RAB2A: variants seen among roughly 807,000 people sequenced by gnomAD.
RAB2A encodes ras-related protein Rab-2A.
In RAB2A, 7 loss-of-function variants were observed where a neutral mutation model predicts 32.5. The ratio of observed to expected loss-of-function variants is 0.22; its 90% CI spans 0.12 to 0.40. RAB2A has a LOEUF of 0.40. Ranked by LOEUF, RAB2A falls within the 10% of genes least tolerant of loss-of-function variation. The pLI is 1.00. For missense variants in RAB2A, 108 were observed against 260.7 expected (o/e 0.41, Z 4.03); for synonymous variants, 79 against 85.2 (o/e 0.93, Z 0.40).
chr8:60,547,185 A>G (rs1807743735), intron 1 of RAB2A, among the ~76,000 whole-genome samples: 1 of 152,020 alleles, frequency 6.6e-6, no homozygotes, highest in African/African-American at 2.4e-5. Flanking sequence ...TGGATACAGC[A>G]CATGTTTCAG....
chr8:60,548,729 C>T (rs1179138930), intron 1 of RAB2A, among the ~76,000 whole-genome samples: 4 of 134,750 alleles, frequency 3.0e-5, no homozygotes, highest in Admixed American at 2.8e-4. Flanking sequence ...GGCAGAGGCA[C>T]CCCTCACCTG....
chr8:60,619,093 A>G (rs1159098734), intron 7 of RAB2A: 1 of 152,132 alleles, frequency 6.6e-6, no homozygotes, highest in African/African-American at 2.4e-5. Context: ...CCAAATTTGG[A>G]AATTACTCCC....
chr8:60,531,354 T>C (rs1415501693), intron 1 of RAB2A, among the ~76,000 whole-genome samples: 1 of 152,254 alleles, frequency 6.6e-6, no homozygotes, highest in African/African-American at 2.4e-5. Context: ...ACTGTTTACT[T>C]GTGACCTCAG....
chr8:60,546,643 G>A (rs538529958), intron 1 of RAB2A, among the ~76,000 whole-genome samples: 203 of 152,266 alleles, frequency 1.3e-3, no homozygotes, highest in African/African-American at 4.7e-3. Context: ...TTTTTACATA[G>A]TGCTTCCTAC....
chr8:60,555,405 C>T (rs1807921376), intron 1 of RAB2A, among the ~76,000 whole-genome samples: 1 of 151,124 alleles, frequency 6.6e-6, no homozygotes, highest in African/African-American at 2.5e-5. Context: ...TAAAATCCTT[C>T]ACAGCAAAGG....
chr8:60,520,306 T>C (rs1415900756), intron 1 of RAB2A, among the ~76,000 whole-genome samples: 2 of 152,238 alleles, frequency 1.3e-5, no homozygotes, highest in African/African-American at 4.8e-5. Context: ...AATTTTTTCC[T>C]TGTTCCTGTC....
chr8:60,543,686 G>T (rs538091374), intron 1 of RAB2A, among the ~76,000 whole-genome samples: 1 of 152,164 alleles, frequency 6.6e-6, no homozygotes, highest in Non-Finnish European at 1.5e-5. Flanking sequence ...TGAAATGGAG[G>T]TTATTCTCTT....
chr8:60,570,864 T>C (rs544465418), intron 2 of RAB2A, among the ~76,000 whole-genome samples: 10 of 152,330 alleles, frequency 6.6e-5, no homozygotes, highest in African/African-American at 2.2e-4. Context: ...TTATGGGAGA[T>C]GCTGAACTGG....
At chr8:60,577,792 AT>A (rs3055112) in intron 3 of RAB2A, among the ~76,000 whole-genome samples, 98 of 112,942 alleles carry the variant, frequency 8.7e-4, no homozygotes, top group Middle Eastern at 6.8e-3. Flanking sequence ...CGCCCGGCTA[AT>A]TTTTTTTTTT....
intron 3 of RAB2A, chr8:60,576,338 T>C (rs1007846640): frequency 6.6e-6 from 3 of 454,736 alleles, no homozygotes; most frequent in African/African-American, 6.0e-5. Context: ...CATTACTGCC[T>C]TGTTCTGCTC....
At chr8:60,572,886 A>C (rs1808216708) in intron 3 of RAB2A, among the ~76,000 whole-genome samples, 1 of 152,236 alleles carries the variant, frequency 6.6e-6, no homozygotes, top group South Asian at 2.1e-4. Context: ...TAAATTAATA[A>C]ATTACTTGTT....
intron 6 of RAB2A, among the ~76,000 whole-genome samples, chr8:60,593,564 G>A (rs895677374): frequency 7.9e-5 from 12 of 152,110 alleles, no homozygotes; most frequent in African/African-American, 1.9e-4. Flanking sequence ...CAGTAATGAA[G>A]TAGCACCCTA....
intron 1 of RAB2A, among the ~76,000 whole-genome samples, chr8:60,536,876 A>C (rs1807565816): frequency 6.6e-6 from 1 of 152,162 alleles, no homozygotes; most frequent in Non-Finnish European, 1.5e-5. Flanking sequence ...AAAAAACTTG[A>C]TTTTGAGTTT....
chr8:60,567,966 C>T (rs1051403738), intron 2 of RAB2A, among the ~76,000 whole-genome samples: 1 of 151,868 alleles, frequency 6.6e-6, no homozygotes, highest in Non-Finnish European at 1.5e-5. Flanking sequence ...AGTGTTTTAC[C>T]ATTAAGTATG....
chr8:60,608,959 G>C (rs941546394), intron 6 of RAB2A, among the ~76,000 whole-genome samples: 7 of 152,030 alleles, frequency 4.6e-5, no homozygotes, highest in African/African-American at 1.4e-4. Flanking sequence ...TGTCATAATT[G>C]TATCCTAATT....
intron 2 of RAB2A, among the ~76,000 whole-genome samples, chr8:60,562,426 A>G (rs1254983025): frequency 1.3e-5 from 2 of 152,214 alleles, no homozygotes; most frequent in African/African-American, 4.8e-5. Context: ...CACCCAGTAC[A>G]CATTCATAAA....
intron 6 of RAB2A, among the ~76,000 whole-genome samples, chr8:60,606,516 A>G (rs1247254567): frequency 6.6e-6 from 1 of 152,222 alleles, no homozygotes; most frequent in Non-Finnish European, 1.5e-5. Flanking sequence ...ACCCAAGACA[A>G]CACTTTGAAG....
At chr8:60,563,953 C>T (rs1273258711) in intron 2 of RAB2A, among the ~76,000 whole-genome samples, 1 of 152,148 alleles carries the variant, frequency 6.6e-6, no homozygotes, top group African/African-American at 2.4e-5. Flanking sequence ...TAAATCTAGC[C>T]ATCTATTCCT....
At chr8:60,592,971 G>GGT in intron 6 of RAB2A, among the ~76,000 whole-genome samples, 1 of 152,310 alleles carries the variant, frequency 6.6e-6, no homozygotes, top group African/African-American at 2.4e-5. Flanking sequence ...GGATAACAGA[G>GGT]GTCAGGGTCC....
Sources: allele counts gnomAD v4.1 joint callset (sites outside exome capture counted in the v4.1 genomes callset), GRCh38; gene constraint gnomAD v4.1.1; transcripts MANE v1.5; gene names NCBI Gene and HGNC (gene_info 2026-07-23, HGNC 2026-07-21).